HHAT: variants seen among roughly 807,000 people sequenced by gnomAD.
HHAT encodes protein-cysteine N-palmitoyltransferase HHAT.
HHAT carries 47 observed loss-of-function variants against 70.8 expected under a neutral mutation model. That is an observed-to-expected ratio of 0.66 (90% confidence interval 0.53 to 0.85). HHAT has a LOEUF of 0.85. Among genes scored for constraint, HHAT ranks in the 40% least tolerant of loss-of-function variants. The pLI is 0.00. For missense variants in HHAT, 609 were observed against 604.8 expected (o/e 1.01, Z -0.07); for synonymous variants, 228 against 247.6 (o/e 0.92, Z 0.74).
At chr1:210,626,542 G>C (rs1301995179) in intron 11 of HHAT, among the ~76,000 whole-genome samples, 2 of 152,166 alleles carry the variant, frequency 1.3e-5, no homozygotes, top group Non-Finnish European at 2.9e-5. Flanking sequence ...TCCTGAGTCA[G>C]GGAATGTCTG....
intron 7 of HHAT, among the ~76,000 whole-genome samples, chr1:210,461,023 T>C: frequency 6.6e-6 from 1 of 152,222 alleles, no homozygotes; most frequent in East Asian, 1.9e-4. Context: ...CTCTTGCTAA[T>C]TGAGAAAATC....
At chr1:210,573,950 A>G (rs542861953) in intron 9 of HHAT, among the ~76,000 whole-genome samples, 1 of 152,338 alleles carries the variant, frequency 6.6e-6, no homozygotes, top group East Asian at 1.9e-4. Context: ...AGCAGGAGAC[A>G]AAGGAAATTC....
chr1:210,631,095 A>G (rs1320846570), intron 11 of HHAT: 2 of 456,556 alleles, frequency 4.4e-6, no homozygotes, highest in African/African-American at 2.0e-5. Context: ...GGTACTGGCT[A>G]CCTTTGTTCC....
chr1:210,540,362 C>A (rs570660343), intron 9 of HHAT, among the ~76,000 whole-genome samples: 85 of 151,892 alleles, frequency 5.6e-4, no homozygotes, highest in African/African-American at 1.9e-3. Flanking sequence ...TACAATGTTG[C>A]CTTGAGAGAA....
chr1:210,329,003 C>T lies in HHAT; in HGVS notation c.-145C>T. The T allele has an allele frequency of 1.4e-6, 2 of 1,379,620 alleles. No homozygotes were observed. The highest frequency in any genetic ancestry group is 1.5e-5 in the African/African-American group (1 of 66,498). The allele number at this position is 1,379,620 out of a possible 1,614,324, so 85.5% of individuals were successfully genotyped here. A position where few individuals can be genotyped will look rare whatever the true frequency, so the allele number is the denominator to read the frequency against. On this transcript the variant is annotated 5_prime_UTR_variant, in exon 1 of 12. Coordinates refer to ENST00000261458, the MANE Select transcript of HHAT (RefSeq NM_018194.6). ...GTGGCGTCCCGGGGAAGCCCGCAGCCGCCGCCGATGTCGCTGGGACTCGGA... is the reference window on the plus strand; with the variant it reads ...GTGGCGTCCCGGGGAAGCCCGCAGCTGCCGCCGATGTCGCTGGGACTCGGA...
intron 2 of HHAT, among the ~76,000 whole-genome samples, chr1:210,359,694 C>T (rs1159669249): frequency 6.6e-6 from 1 of 152,066 alleles, no homozygotes; most frequent in Non-Finnish European, 1.5e-5. Context: ...AGTAGAAACC[C>T]CGTCTCTACT....
chr1:210,329,129 G>C, intron 1 of HHAT, 25 bp downstream of exon 1: 4 of 1,322,272 alleles, frequency 3.0e-6, no homozygotes, highest in Non-Finnish European at 3.9e-6. Context: ...ACCATAGGGG[G>C]TCCTGGGGAG....
At chr1:210,524,124 G>A (rs1440009606) in intron 9 of HHAT, among the ~76,000 whole-genome samples, 2 of 152,200 alleles carry the variant, frequency 1.3e-5, no homozygotes, top group Non-Finnish European at 2.9e-5. Flanking sequence ...CGGGTATAAA[G>A]TTTCAGGTAG....
At chr1:210,417,691 T>C (rs925995873) in intron 6 of HHAT, among the ~76,000 whole-genome samples, 5 of 152,334 alleles carry the variant, frequency 3.3e-5, no homozygotes, top group Admixed American at 1.3e-4. Flanking sequence ...TCAGCCCATC[T>C]TTTTCTCTTT....
At chr1:210,507,238 G>A (rs1282638918) in intron 8 of HHAT, among the ~76,000 whole-genome samples, 1 of 152,024 alleles carries the variant, frequency 6.6e-6, no homozygotes, top group Admixed American at 6.6e-5. Context: ...TATACAGAGT[G>A]CTTAGCCCAG....
chr1:210,538,429 T>C (rs1028446047), intron 9 of HHAT, among the ~76,000 whole-genome samples: 1 of 152,102 alleles, frequency 6.6e-6, no homozygotes, highest in Non-Finnish European at 1.5e-5. Context: ...TTTAGTCTCA[T>C]GTGGCATATA....
At chr1:210,392,183 T>C (rs999170154) in intron 4 of HHAT, among the ~76,000 whole-genome samples, 5 of 152,146 alleles carry the variant, frequency 3.3e-5, no homozygotes, top group African/African-American at 9.7e-5. Context: ...ATTTCATATA[T>C]TTTTAACTGA....
chr1:210,590,439 G>C (rs1661422927), intron 10 of HHAT: 2 of 150,550 alleles, frequency 1.3e-5, no homozygotes. Flanking sequence ...TTGGTAGGGG[G>C]ATAGGGATGA....
intron 9 of HHAT, among the ~76,000 whole-genome samples, chr1:210,577,388 AGTTT>A (rs1010249509): frequency 7.2e-5 from 11 of 152,262 alleles, no homozygotes; most frequent in African/African-American, 2.4e-4. Flanking sequence ...TTATCATAAA[AGTTT>A]GTTTAATTTT....
At chr1:210,633,196 A>G (rs368849812) in intron 11 of HHAT, among the ~76,000 whole-genome samples, 79 of 152,318 alleles carry the variant, frequency 5.2e-4, no homozygotes, top group African/African-American at 1.7e-3. Flanking sequence ...ATGGGCTGCC[A>G]GTGACTCTTC....
intron 11 of HHAT, among the ~76,000 whole-genome samples, chr1:210,659,489 A>G (rs1381626445): frequency 6.6e-6 from 1 of 152,132 alleles, no homozygotes; most frequent in Admixed American, 6.6e-5. Flanking sequence ...CACCAGAGGT[A>G]CAAAAAGGAG....
chr1:210,357,363 T>G (rs2087752820), intron 2 of HHAT, among the ~76,000 whole-genome samples: 1 of 152,216 alleles, frequency 6.6e-6, no homozygotes, highest in Admixed American at 6.5e-5. Context: ...AGGTGCCTTC[T>G]CTATACACAA....
At chr1:210,433,235 C>G (rs1352849667) in intron 7 of HHAT, among the ~76,000 whole-genome samples, 4 of 151,768 alleles carry the variant, frequency 2.6e-5, no homozygotes, top group Admixed American at 1.3e-4. Flanking sequence ...TCTCCTGCAG[C>G]ACTCACAGCG....
chr1:210,396,307 A>T (rs2091783875), intron 4 of HHAT, among the ~76,000 whole-genome samples: 1 of 152,212 alleles, frequency 6.6e-6, no homozygotes, highest in African/African-American at 2.4e-5. Context: ...GTGCTCCAGC[A>T]AGCTCATCTC....
Sources: allele counts gnomAD v4.1 joint callset (sites outside exome capture counted in the v4.1 genomes callset), GRCh38; gene constraint gnomAD v4.1.1; transcripts MANE v1.5; gene names NCBI Gene and HGNC (gene_info 2026-07-23, HGNC 2026-07-21).